KCTD9: variants seen among roughly 807,000 people sequenced by gnomAD.
The protein encoded by KCTD9 is potassium channel tetramerization domain containing 9, also known as BTB/POZ domain-containing protein KCTD9.
A neutral mutation model predicts 53.3 loss-of-function variants in KCTD9; 17 were observed. That is an observed-to-expected ratio of 0.32 (90% CI 0.22 to 0.48). The LOEUF is 0.48. Ranked by LOEUF, KCTD9 falls within the 20% of genes least tolerant of loss-of-function variation. KCTD9 has a pLI of 0.99. For synonymous variants in KCTD9, 128 were observed against 162.7 expected, an observed-to-expected ratio of 0.79 and a Z score of 1.62; for missense variants, 179 against 465.5, an observed-to-expected ratio of 0.38 and a Z score of 5.66.
intron 11 of KCTD9, among the ~76,000 whole-genome samples, chr8:25,430,373 G>A (rs1437201968): frequency 6.6e-6 from 1 of 152,154 alleles, no homozygotes; most frequent in African/African-American, 2.4e-5. Context: ...GCCAGTCCCT[G>A]TATGGCTCAA....
chr8:25,454,352 G>C lies in KCTD9; in HGVS notation c.48+3847C>G, dbSNP rs903291633. On this transcript the variant is annotated intron_variant, in intron 1 of 11. Transcript: ENST00000221200. The stretch of plus-strand genomic sequence containing the variant: ...CTAAGTGTTCACTGAATGAATGAAT[G>C]AATGAATGATGAATTAATCAGTATA... Among the ~76,000 whole-genome samples, 16 of 152,184 alleles carry C rather than the reference G, an allele frequency of 1.1e-4. No individual in the cohort carries two copies. The South Asian group carries it at 1.9e-3, about 18-fold the overall frequency.
At chr8:25,443,145 T>C (rs540389615) in intron 3 of KCTD9, among the ~76,000 whole-genome samples, 18 of 152,282 alleles carry the variant, frequency 1.2e-4, no homozygotes, top group East Asian at 3.9e-4. Context: ...CTATATATTT[T>C]CAATTCTGTC....
chr8:25,455,155 G>A (rs1802407861), intron 1 of KCTD9, among the ~76,000 whole-genome samples: 1 of 152,094 alleles, frequency 6.6e-6, no homozygotes, highest in Non-Finnish European at 1.5e-5. Context: ...AACCTGGGGG[G>A]CAGAGGTTGC....
chr8:25,439,373 A>T lies in KCTD9; in HGVS notation c.405T>A (p.Ala135=). 6.2e-7 allele frequency: 1 copy of T among 1,613,604 alleles called. No individual in the cohort carries two copies. The highest frequency in any genetic ancestry group is 1.7e-5 in the Admixed American group (1 of 59,988). The change falls in exon 6 of 12, where the codon GCT becomes GCA. Residue 135 remains alanine, a synonymous_variant. Transcript: ENST00000221200. The part of the protein sequence containing the change: ...VWGNKQDHRG[A]FLIDRSPEYF... The stretch of plus-strand genomic sequence containing the variant: ...ACTCAGGACTTCGGTCAATTAAGAA[A>T]GCTCCTCTATGATCTTGCTTATTTC...
chr8:25,439,461 A>C, intron 5 of KCTD9, 54 bp from the exon 6 acceptor site: 3 of 1,574,374 alleles, frequency 1.9e-6, no homozygotes, highest in Non-Finnish European at 2.6e-6. Context: ...ATAAAGTCAG[A>C]AATGTATGAG....
chr8:25,456,436 A>T (rs2075426738), intron 1 of KCTD9, among the ~76,000 whole-genome samples: 1 of 152,208 alleles, frequency 6.6e-6, no homozygotes, highest in Non-Finnish European at 1.5e-5. Context: ...GAATAATTAT[A>T]AATTTTTTTA....
intron 11 of KCTD9, among the ~76,000 whole-genome samples, chr8:25,431,136 G>A (rs1316987704): frequency 1.3e-5 from 2 of 151,962 alleles, no homozygotes; most frequent in African/African-American, 2.4e-5. Flanking sequence ...TGGCCCCAAA[G>A]TAATAAATAT....
At chr8:25,450,396 CT>C in intron 1 of KCTD9, 1 of 983,800 alleles carries the variant, frequency 1.0e-6, no homozygotes. Context: ...TACAGCAGGT[CT>C]TTGACAAATA....
intron 3 of KCTD9, among the ~76,000 whole-genome samples, chr8:25,441,092 A>C (rs534616647): frequency 1.3e-5 from 2 of 152,170 alleles, no homozygotes; most frequent in Non-Finnish European, 2.9e-5. Context: ...CCAAATGGCC[A>C]AAACTCCCTT....
chr8:25,452,864 T>C (rs1802353814), intron 1 of KCTD9, among the ~76,000 whole-genome samples: 1 of 152,140 alleles, frequency 6.6e-6, no homozygotes. Context: ...AGAATTATAT[T>C]GAACGAAAAA....
At chr8:25,444,430 A>T in intron 2 of KCTD9, 95 bp from the exon 3 acceptor site, 1 of 1,188,278 alleles carries the variant, frequency 8.4e-7, no homozygotes, top group Non-Finnish European at 1.2e-6. Flanking sequence ...AATTATATAG[A>T]CAATAGGTTT....
Position 25,456,351 on chromosome 8 carries a change from C to T in KCTD9, c.48+1848G>A, listed in dbSNP as rs934472549. On this transcript the variant is annotated intron_variant, in intron 1 of 11. Coordinates refer to ENST00000221200, the MANE Select transcript of KCTD9 (RefSeq NM_017634.4). ...TCTTAATGAACATTCATGTCATGAT[C>T]ATGCCAATCCAATTAGTCACTTTAT... 3.3e-5 allele frequency among the ~76,000 whole-genome samples: 5 copies of T among 152,192 alleles called. 1 individual carries two copies. Among genetic ancestry groups the T allele is most frequent in the South Asian group, 2.1e-4 (1 of 4,836 alleles).
At chr8:25,430,292 T>G (rs1370970154) in intron 11 of KCTD9, among the ~76,000 whole-genome samples, 2 of 152,128 alleles carry the variant, frequency 1.3e-5, no homozygotes, top group African/African-American at 4.8e-5. Flanking sequence ...CTGATACTGG[T>G]CCATGGCCTG....
At chr8:25,430,800 A>G (rs1357715798) in intron 11 of KCTD9, among the ~76,000 whole-genome samples, 1 of 109,838 alleles carries the variant, frequency 9.1e-6, no homozygotes, top group Admixed American at 1.2e-4. Flanking sequence ...GGATTCCAAC[A>G]TAATAAATAC....
chr8:25,451,161 T>G (rs925748557), intron 1 of KCTD9, among the ~76,000 whole-genome samples: 1 of 151,830 alleles, frequency 6.6e-6, no homozygotes, highest in Admixed American at 6.6e-5. Context: ...TAAAAAGGAG[T>G]TATGTTGCAA....
intron 6 of KCTD9, 131 bp from the exon 7 acceptor site, chr8:25,436,616 A>G (rs1057013506): frequency 1.8e-6 from 1 of 562,110 alleles, no homozygotes; most frequent in African/African-American, 2.0e-5. Context: ...AGCAGATCTG[A>G]ACAGGTTTGC....
At chr8:25,435,336 T>G in intron 9 of KCTD9, 27 bp downstream of exon 9, 1 of 1,508,070 alleles carries the variant, frequency 6.6e-7, no homozygotes, top group Non-Finnish European at 8.9e-7. Flanking sequence ...CATTTAATTT[T>G]CTCTTGTAGC....
intron 6 of KCTD9, among the ~76,000 whole-genome samples, chr8:25,437,795 C>T (rs1802045493): frequency 7.7e-6 from 1 of 130,704 alleles, no homozygotes; most frequent in African/African-American, 3.0e-5. Flanking sequence ...TTGCAGTGAG[C>T]AGAGATCACA....
chr8:25,439,791 C>G (rs988022457), intron 4 of KCTD9, 127 bp from the exon 5 acceptor site: 1 of 1,504,446 alleles, frequency 6.6e-7, no homozygotes, highest in African/African-American at 1.4e-5. Flanking sequence ...GTAGGAGTAA[C>G]GCTGGGAAAC....
Sources: allele counts gnomAD v4.1 joint callset (sites outside exome capture counted in the v4.1 genomes callset), GRCh38; gene constraint gnomAD v4.1.1; transcripts MANE v1.5; gene names NCBI Gene and HGNC (gene_info 2026-07-23, HGNC 2026-07-21).